Variants in TYW1B observed in about 807,000 individuals in gnomAD.
TYW1B encodes tRNA-yW synthesizing protein 1 homolog B.
In TYW1B, 73 loss-of-function variants were observed where a neutral mutation model predicts 86.9. The observed-to-expected ratio is 0.84, with a 90% confidence interval of 0.70 to 1.02. The LOEUF (loss-of-function observed/expected upper bound fraction) is 1.02. Ranked by LOEUF, TYW1B falls within the 50% of genes least tolerant of loss-of-function variation. The probability of loss-of-function intolerance (pLI) is 0.00; values close to 1 mark genes in which losing one functional copy is unlikely to be tolerated. For missense variants in TYW1B, 637 were observed against 827.4 expected (o/e 0.77, Z 2.82); for synonymous variants, 248 against 292.8 (o/e 0.85, Z 1.56).
chr7:72,710,279 A>G (rs1298613431), intron 10 of TYW1B, among the ~76,000 whole-genome samples: 3 of 152,200 alleles, frequency 2.0e-5, no homozygotes, highest in African/African-American at 7.2e-5. Context: ...CATATACCCC[A>G]AACACCACTC....
At chr7:72,801,540 T>C (rs1240832514) in intron 6 of TYW1B, among the ~76,000 whole-genome samples, 1 of 151,960 alleles carries the variant, frequency 6.6e-6, no homozygotes, top group East Asian at 1.9e-4. Flanking sequence ...GATTTTCTAG[T>C]AGCTTTTTTT....
At chr7:72,794,977 C>T (rs1371546426) in intron 6 of TYW1B, among the ~76,000 whole-genome samples, 4 of 152,028 alleles carry the variant, frequency 2.6e-5, no homozygotes, top group Non-Finnish European at 5.9e-5. Context: ...TCACACCTGG[C>T]TAATTTTTGT....
intron 6 of TYW1B, among the ~76,000 whole-genome samples, chr7:72,779,214 T>C (rs1788006853): frequency 6.6e-6 from 1 of 152,230 alleles, no homozygotes; most frequent in African/African-American, 2.4e-5. Flanking sequence ...TGTAACACCA[T>C]TTCTACTTTA....
chr7:72,654,925 T>G (rs532583979), intron 11 of TYW1B, among the ~76,000 whole-genome samples: 4 of 152,268 alleles, frequency 2.6e-5, no homozygotes, highest in East Asian at 1.9e-4. Flanking sequence ...TTGTAACAAA[T>G]GAACCGTAGT....
intron 7 of TYW1B, among the ~76,000 whole-genome samples, chr7:72,748,080 C>A (rs1787426358): frequency 6.6e-6 from 1 of 152,078 alleles, no homozygotes; most frequent in African/African-American, 2.4e-5. Flanking sequence ...ACCGTCCTGG[C>A]TAACATGGTG....
chr7:72,745,464 C>T (rs1554463608), intron 7 of TYW1B, among the ~76,000 whole-genome samples: 2 of 152,040 alleles, frequency 1.3e-5, no homozygotes, highest in Non-Finnish European at 2.9e-5. Context: ...TAAGTTGGTA[C>T]ATGTAGTAAG....
intron 11 of TYW1B, among the ~76,000 whole-genome samples, chr7:72,682,050 G>T (rs1387533691): frequency 3.3e-5 from 5 of 151,414 alleles, no homozygotes; most frequent in Non-Finnish European, 7.4e-5. Flanking sequence ...CCTGATTTTT[G>T]TATTTGTAGT....
At chr7:72,679,487 G>A (rs868927633) in intron 11 of TYW1B, among the ~76,000 whole-genome samples, 4 of 152,098 alleles carry the variant, frequency 2.6e-5, no homozygotes, top group Middle Eastern at 3.2e-3. Context: ...AATACGTCAC[G>A]AGCATAATAT....
chr7:72,739,553 C>T (rs575952756), intron 8 of TYW1B, among the ~76,000 whole-genome samples: 43 of 150,842 alleles, frequency 2.9e-4, no homozygotes, highest in Middle Eastern at 3.4e-3. Context: ...TTGCAGTGAG[C>T]CAAGATCATG....
At position 72,698,726 on chromosome 7, in the gene TYW1B, G is replaced by A. The variant is rs547391306; in HGVS notation, c.1371-3904C>T. Among the ~76,000 whole-genome samples, 4 of 152,116 alleles carry A rather than the reference G, an allele frequency of 2.6e-5. No individual in the cohort carries two copies. In the South Asian group the frequency reaches 8.3e-4, roughly 32 times the overall value. The stretch of plus-strand genomic sequence containing the variant: ...ATTCAAGTCCAGAGATGAACCCAGA[G>A]CCTTTCTCCTAACCCTGCACCATGA... On this transcript the variant is annotated intron_variant, in intron 10 of 13. Transcript: ENST00000620995.
Position 72,689,579 on chromosome 7 carries a change from G to A in TYW1B, c.1506+5108C>T, listed in dbSNP as rs1814090770. Among the ~76,000 whole-genome samples, 3 of 152,214 alleles carry A rather than the reference G, an allele frequency of 2.0e-5. No individual in the cohort carries two copies. In the South Asian group the frequency reaches 6.2e-4, roughly 32 times the overall value. On this transcript the variant is annotated intron_variant, in intron 11 of 13. Transcript: ENST00000620995. ...ACTACTGGCCAACAAGCAGGAAACT[G>A]AGCAGGATGAATGACTACACTGTCT...
chr7:72,813,134 C>CGTGAAA (rs1474229518), intron 3 of TYW1B, among the ~76,000 whole-genome samples: 3 of 150,546 alleles, frequency 2.0e-5, no homozygotes, highest in African/African-American at 7.3e-5. Flanking sequence ...TGGCCCTTTA[C>CGTGAAA]GTGAAAGTTT....
At chr7:72,575,772 A>G in intron 13 of TYW1B, 53 bp from the exon 14 acceptor site, 2 of 1,579,858 alleles carry the variant, frequency 1.3e-6, no homozygotes, top group South Asian at 2.3e-5. Flanking sequence ...CTAGAAAAAA[A>G]AAATGAATGT....
chr7:72,733,159 A>AACACACACACACACACACAC (rs145935571), intron 8 of TYW1B, among the ~76,000 whole-genome samples: 1 of 147,110 alleles, frequency 6.8e-6, no homozygotes, highest in South Asian at 2.2e-4. Flanking sequence ...CCAAACCTAA[A>AACACACACACACACACACAC]ACACACACAC....
chr7:72,692,639 C>T (rs1814198602), intron 11 of TYW1B, among the ~76,000 whole-genome samples: 1 of 152,020 alleles, frequency 6.6e-6, no homozygotes, highest in Non-Finnish European at 1.5e-5. Flanking sequence ...AGAAGAAAAA[C>T]AGTGTTTTTT....
At chr7:72,756,414 T>C (rs1423308323) in intron 7 of TYW1B, among the ~76,000 whole-genome samples, 7 of 151,684 alleles carry the variant, frequency 4.6e-5, no homozygotes, top group Non-Finnish European at 1.0e-4. Flanking sequence ...TTTTTTTTTT[T>C]AGTAGAGACG....
rs185953249 is a variant in TYW1B at position 72,717,028 on chromosome 7, C to T, written c.1193-3230G>A. ...AAAAAGCATGCAGTTTGGCTGGGCA[C>T]GGCAGCTCATGCCTGTAATCCCAGC... On this transcript the variant is annotated intron_variant, in intron 9 of 13. Transcript: ENST00000620995. 7.8e-4 allele frequency among the ~76,000 whole-genome samples: 119 copies of T among 151,998 alleles called. 1 individual carries two copies. The highest frequency in any genetic ancestry group is 2.5e-3 in the African/African-American group (104 of 41,458).
chr7:72,627,904 T>G (rs1178371790), intron 12 of TYW1B, among the ~76,000 whole-genome samples: 22 of 152,308 alleles, frequency 1.4e-4, no homozygotes, highest in Non-Finnish European at 2.6e-4. Flanking sequence ...AAGTGATTTC[T>G]AAGAGGAAAA....
At position 72,589,623 on chromosome 7, in the gene TYW1B, T is replaced by C. The variant is rs147385166; in HGVS notation, c.1786-13904A>G. 6.5e-3 allele frequency among the ~76,000 whole-genome samples: 990 copies of C among 152,314 alleles called. 11 individuals carry two copies. The highest frequency in any genetic ancestry group is 0.02 in the African/African-American group (849 of 41,580). The stretch of plus-strand genomic sequence containing the variant: ...CGGGCATGGTGGCTCACGCCTGTAA[T>C]CCCAGCATGTTGGGAGGCCAAGGCA... On this transcript the variant is annotated intron_variant, in intron 13 of 13. Coordinates refer to ENST00000620995, the MANE Select transcript of TYW1B (RefSeq NM_001145440.3).
Sources: allele counts gnomAD v4.1 joint callset (sites outside exome capture counted in the v4.1 genomes callset), GRCh38; gene constraint gnomAD v4.1.1; transcripts MANE v1.5; gene names NCBI Gene and HGNC (gene_info 2026-07-23, HGNC 2026-07-21).